ROBO2: variants seen among roughly 807,000 people sequenced by gnomAD.
ROBO2 encodes the protein roundabout homolog 2.
A neutral mutation model predicts 160.8 loss-of-function variants in ROBO2; 53 were observed. The observed-to-expected ratio is 0.33, with a 90% CI of 0.26 to 0.41. The LOEUF (loss-of-function observed/expected upper bound fraction) is 0.41. ROBO2 is among the 10% of genes least tolerant of loss of function. ROBO2 has a pLI of 1.00. For missense variants in ROBO2, 1,577 were observed against 1,722.4 expected (o/e 0.92, Z 1.49); for synonymous variants, 664 against 611.7 (o/e 1.09, Z -1.26).
intron 2 of ROBO2, among the ~76,000 whole-genome samples, chr3:76,552,540 C>G (rs1363568361): frequency 6.6e-6 from 1 of 152,092 alleles, no homozygotes; most frequent in African/African-American, 2.4e-5. Context: ...TATAATTAAT[C>G]CACAACTAAT....
chr3:77,362,894 T>C (rs9851311), intron 2 of ROBO2, among the ~76,000 whole-genome samples: 62,332 of 151,878 alleles, frequency 0.41, 13,554 homozygotes, highest in East Asian at 0.72. Flanking sequence ...GTGAGACTTA[T>C]TCATTATCAG....
At chr3:76,324,176 G>T (rs1386143580) in intron 2 of ROBO2, among the ~76,000 whole-genome samples, 2 of 152,120 alleles carry the variant, frequency 1.3e-5, no homozygotes, top group Non-Finnish European at 2.9e-5. Flanking sequence ...ATTGTAGGAT[G>T]AAACGGGGTT....
rs1553852643 is a variant in ROBO2, at chr3:77,219,434, G to GTGTATA, written c.388+121095_388+121096insGTATAT. Among the ~76,000 whole-genome samples the GTGTATA allele has an allele frequency of 3.7e-3, 421 of 115,252 alleles. 1 individual carries two copies. The highest frequency in any genetic ancestry group is 0.012 in the Middle Eastern group (2 of 162). The allele number at this position is 115,252 out of a possible 152,430, so 75.6% of individuals were successfully genotyped here. ...TCATCTTGACTGTGTGTATGTGTGT[G>GTGTATA]TATATATATATATATATATATATAT... On this transcript the variant is annotated intron_variant, in intron 2 of 25. Transcript: ENST00000461745.
intron 2 of ROBO2, among the ~76,000 whole-genome samples, chr3:75,943,340 C>T (rs1948138751): frequency 6.6e-6 from 1 of 152,102 alleles, no homozygotes; most frequent in African/African-American, 2.4e-5. Context: ...TGAAGGTTTT[C>T]TCATCCTCTG....
intron 2 of ROBO2, among the ~76,000 whole-genome samples, chr3:76,618,501 C>T (rs1390936896): frequency 2.0e-5 from 3 of 150,728 alleles, no homozygotes; most frequent in East Asian, 3.9e-4. Context: ...ATAATTTTCT[C>T]ATCTCTCCTT....
intron 2 of ROBO2, among the ~76,000 whole-genome samples, chr3:76,857,450 G>A (rs2070248113): frequency 6.6e-6 from 1 of 151,892 alleles, no homozygotes; most frequent in South Asian, 2.1e-4. Flanking sequence ...GAAATTAGAG[G>A]GCATTTTCCT....
At chr3:77,634,740 C>A in intron 23 of ROBO2, 130 bp from the exon 25 acceptor site, 1 of 895,026 alleles carries the variant, frequency 1.1e-6, no homozygotes, top group Non-Finnish European at 1.8e-6. Flanking sequence ...CAGAGATGCA[C>A]CAATATTTGG....
At chr3:77,589,248 G>A (rs1448120794) in intron 17 of ROBO2, among the ~76,000 whole-genome samples, 4 of 151,900 alleles carry the variant, frequency 2.6e-5, no homozygotes, top group East Asian at 1.9e-4. Flanking sequence ...ACATGCACAC[G>A]CAGACTATGT....
intron 2 of ROBO2, among the ~76,000 whole-genome samples, chr3:76,457,645 T>C (rs1280178938): frequency 6.6e-6 from 1 of 152,182 alleles, no homozygotes; most frequent in Non-Finnish European, 1.5e-5. Flanking sequence ...ACCCCACATT[T>C]CCCTTCCACA....
Position 76,807,522 on chromosome 3 carries a change from T to C in ROBO2, c.110-290492T>C, listed in dbSNP as rs142754785. 4.6e-5 allele frequency among the ~76,000 whole-genome samples: 7 copies of C among 152,212 alleles called. No individual in the cohort carries two copies. In the East Asian group the frequency reaches 1.4e-3, roughly 29 times the overall value. ...TATTAGCTATCTATTTCAAAACTTA[T>C]TAACTCATCAAAAATTGAATATTAC... On this transcript the variant is annotated intron_variant, in intron 2 of 26. Coordinates refer to the ROBO2 transcript ENST00000487694.
intron 2 of ROBO2, among the ~76,000 whole-genome samples, chr3:77,314,380 G>A (rs1488538958): frequency 2.6e-5 from 4 of 152,094 alleles, no homozygotes; most frequent in African/African-American, 9.7e-5. Context: ...CCAGCATTTG[G>A]CCTTATTCTT....
intron 2 of ROBO2, among the ~76,000 whole-genome samples, chr3:76,746,868 A>C (rs558078218): frequency 3.3e-5 from 5 of 151,878 alleles, no homozygotes; most frequent in Non-Finnish European, 4.4e-5. Flanking sequence ...ATATGATCTT[A>C]TTGTGTTCCC....
At chr3:76,562,813 A>G (rs949241053) in intron 2 of ROBO2, among the ~76,000 whole-genome samples, 6 of 152,190 alleles carry the variant, frequency 3.9e-5, no homozygotes, top group African/African-American at 1.2e-4. Flanking sequence ...GTGATGACAT[A>G]CAATACAAAC....
At chr3:76,927,753 T>C (rs2077073790) in intron 2 of ROBO2, among the ~76,000 whole-genome samples, 1 of 152,208 alleles carries the variant, frequency 6.6e-6, no homozygotes. Context: ...AAATGAACTT[T>C]CTATTTTCTA....
In ROBO2 at chr3:77,054,795, T is replaced by C. The variant is rs369942801; in HGVS notation, c.61+13949T>C. On this transcript the variant is annotated intron_variant, in intron 1 of 25. Coordinates refer to ENST00000461745, the Ensembl canonical transcript of ROBO2. The stretch of plus-strand genomic sequence containing the variant: ...CTAGGGCTTCTGATTGGTTTTATTT[T>C]GTCAATTTTACATTCCCATCAATGC... Among the ~76,000 whole-genome samples, 24 of 152,232 alleles carry C rather than the reference T, an allele frequency of 1.6e-4. 1 individual carries two copies. Among genetic ancestry groups the C allele is most frequent in the Middle Eastern group, 3.4e-3 (1 of 294 alleles).
intron 1 of ROBO2, among the ~76,000 whole-genome samples, chr3:77,067,786 A>G (rs998010854): frequency 1.3e-5 from 2 of 152,204 alleles, no homozygotes; most frequent in Non-Finnish European, 2.9e-5. Flanking sequence ...TGATGTTAAA[A>G]TAAGAGGCAT....
At chr3:77,237,602 A>C (rs1041885632) in intron 2 of ROBO2, among the ~76,000 whole-genome samples, 2 of 152,096 alleles carry the variant, frequency 1.3e-5, no homozygotes, top group African/African-American at 4.8e-5. Context: ...ATTACATTGG[A>C]TGTAACACAA....
At chr3:77,344,522 G>C (rs1012360291) in intron 2 of ROBO2, among the ~76,000 whole-genome samples, 4 of 152,158 alleles carry the variant, frequency 2.6e-5, no homozygotes, top group Non-Finnish European at 5.9e-5. Context: ...TGAGGACACA[G>C]CAGAAACATG....
At chr3:77,334,349 C>T (rs1170352298) in intron 2 of ROBO2, among the ~76,000 whole-genome samples, 3 of 152,184 alleles carry the variant, frequency 2.0e-5, no homozygotes, top group Non-Finnish European at 2.9e-5. Flanking sequence ...CTTCGGTGTA[C>T]CTGTCCTGGA....
Sources: gnomAD v4.1 joint callset for allele counts (sites outside exome capture counted in the v4.1 genomes callset) on GRCh38, gnomAD v4.1.1 for gene constraint, MANE v1.5 for transcripts, NCBI Gene and HGNC (gene_info 2026-07-23, HGNC 2026-07-21) for gene names.